The following SHROOM3 variants were observed in gnomAD, a reference collection of about 807,000 sequenced individuals.
SHROOM3 encodes protein Shroom3.
A neutral mutation model predicts 138.6 loss-of-function variants in SHROOM3; 47 were observed. The ratio of observed to expected loss-of-function variants is 0.34; its 90% CI spans 0.27 to 0.43. The LOEUF (loss-of-function observed/expected upper bound fraction) is 0.43, where lower values mean the gene tolerates loss of function less well. Ranked by LOEUF, SHROOM3 falls within the 20% of genes least tolerant of loss-of-function variation. The pLI is 1.00. For synonymous variants in SHROOM3, 1,062 were observed against 1,063.3 expected (o/e 1.00, Z 0.02); for missense variants, 2,491 against 2,596.5 (o/e 0.96, Z 0.88).
At chr4:76,617,828 CTT>C (rs1055437499) in intron 2 of SHROOM3, among the ~76,000 whole-genome samples, 2 of 152,136 alleles carry the variant, frequency 1.3e-5, no homozygotes, top group African/African-American at 4.8e-5. Flanking sequence ...AAATCTAAAA[CTT>C]TTTTAACACT....
At chr4:76,503,143 A>G (rs1008525023) in intron 1 of SHROOM3, among the ~76,000 whole-genome samples, 1 of 138,850 alleles carries the variant, frequency 7.2e-6, no homozygotes, top group Non-Finnish European at 1.6e-5. Flanking sequence ...TTTCATATGT[A>G]TTTTAGAAAT....
intron 1 of SHROOM3, among the ~76,000 whole-genome samples, chr4:76,441,546 T>C (rs13102317): frequency 0.14 from 22,042 of 152,178 alleles, 1,800 homozygotes; most frequent in South Asian, 0.21. Flanking sequence ...TCTGACTTTT[T>C]CCCTTTCTTG....
intron 2 of SHROOM3, among the ~76,000 whole-genome samples, chr4:76,605,593 T>C (rs1236140709): frequency 1.3e-5 from 2 of 151,954 alleles, no homozygotes; most frequent in Non-Finnish European, 1.5e-5. Flanking sequence ...AAATAAATGG[T>C]CAAATAGAAT....
At position 76,740,647 on chromosome 4, in the gene SHROOM3, T is replaced by C; in HGVS notation, c.2474T>C (p.Phe825Ser). The C allele has an allele frequency of 6.2e-7, 1 of 1,614,168 alleles. No homozygotes were observed. Among genetic ancestry groups the C allele is most frequent in the Admixed American group, 1.7e-5 (1 of 60,032 alleles). ...VSTSSTSGND[F>S]EETKAHIRFS... is the part of the protein sequence containing the mutation. ...ACTTCCAGTACTTCTGGGAATGACT[T>C]CGAGGAGACAAAAGCACACATTCGT... Residue 825 changes from phenylalanine (F) to serine (S), a missense_variant, in exon 5 of 11, where the codon TTC becomes TCC. Around this residue, in one of 4 missense-constraint regions of SHROOM3, gnomAD observed 1,733 missense variants for 1,661.6 expected, o/e 1.04. Transcript: ENST00000296043. This position sits in a 1 kb window ranked among gnomAD's most constrained non-coding sequence, Gnocchi z 4.0.
At position 76,565,148 on chromosome 4, in the gene SHROOM3, G is replaced by A. The variant is rs11942933; in HGVS notation, c.323+9385G>A. Among the ~76,000 whole-genome samples the A allele has an allele frequency of 3.1e-3, 424 of 135,986 alleles. 2 individuals carry two copies. The highest frequency in any genetic ancestry group is 0.012 in the African/African-American group (400 of 33,904). 89.2% of individuals were successfully genotyped at this position (135,986 alleles called of 152,430 possible). A position where few individuals can be genotyped will look rare whatever the true frequency, so the allele number is the denominator to read the frequency against. On this transcript the variant is annotated intron_variant, in intron 2 of 10. Transcript: ENST00000296043. Reference sequence around the variant, plus strand: ...TGCACTCCAGCCTGGGTGACAGGGCGAGACTCCATTTCAAAAAAAAAAAAA... The same window carrying A: ...TGCACTCCAGCCTGGGTGACAGGGCAAGACTCCATTTCAAAAAAAAAAAAA...
At chr4:76,733,256 G>A (rs1256834904) in intron 4 of SHROOM3, among the ~76,000 whole-genome samples, 1 of 152,174 alleles carries the variant, frequency 6.6e-6, no homozygotes, top group Non-Finnish European at 1.5e-5. Context: ...AGCACCAGAA[G>A]TACAGTATTT....
chr4:76,740,166 C>G lies in SHROOM3; in HGVS notation c.1993C>G (p.Leu665Val), dbSNP rs182065647. ...FGKTKSAFSS[L>V]QNIPESLRRH... The stretch of plus-strand genomic sequence containing the variant: ...CAAGACCAAGTCAGCCTTCTCATCT[C>G]TCCAGAACATTCCTGAGAGTCTGAG... The change falls in exon 5 of 11, where the codon CTC (leucine) becomes GTC (valine). Residue 665 changes from leucine to valine, a missense_variant. Around this residue, in one of 4 missense-constraint regions of SHROOM3, gnomAD observed 1,733 missense variants for 1,661.6 expected, o/e 1.04. Coordinates refer to ENST00000296043, the MANE Select transcript of SHROOM3 (RefSeq NM_020859.4). This position sits in a 1 kb window ranked among gnomAD's most constrained non-coding sequence, Gnocchi z 4.0. 2.7e-5 allele frequency: 44 copies of G among 1,613,946 alleles called. No homozygotes were observed. In the East Asian group the frequency reaches 9.8e-4, roughly 36 times the overall value.
At position 76,608,554 on chromosome 4, in the gene SHROOM3, GCA is replaced by G. The variant is rs1734673630; in HGVS notation, c.323+52792_323+52793del. Among the ~76,000 whole-genome samples the G allele has an allele frequency of 2.6e-4, 20 of 76,382 alleles. 1 individual carries two copies. The South Asian group carries it at 6.3e-3, about 24-fold the overall frequency. 50.1% of individuals were successfully genotyped at this position (76,382 alleles called of 152,430 possible). On this transcript the variant is annotated intron_variant, in intron 2 of 10. Transcript: ENST00000296043. ...GCATAGCATAGCATAGCATAGCATA[GCA>G]TAGCATAGCATAGCATAGCATAGCA... is the stretch of plus-strand genomic sequence containing the variant.
At chr4:76,699,792 A>T (rs138806647) in intron 2 of SHROOM3, among the ~76,000 whole-genome samples, 4 of 152,254 alleles carry the variant, frequency 2.6e-5, no homozygotes, top group African/African-American at 9.6e-5. Context: ...TAGGAGAGGC[A>T]TGTCAGAGGT....
chr4:76,776,867 A>G (rs551632973), intron 10 of SHROOM3, among the ~76,000 whole-genome samples: 30 of 152,040 alleles, frequency 2.0e-4, no homozygotes, highest in African/African-American at 7.2e-4. Context: ...ACCTTTCTTC[A>G]CTTTGTTTTT....
chr4:76,538,689 C>A (rs1733033774), intron 1 of SHROOM3, among the ~76,000 whole-genome samples: 1 of 152,178 alleles, frequency 6.6e-6, no homozygotes, highest in African/African-American at 2.4e-5. Context: ...GCCTACTCTA[C>A]TTTTCCTTTA....
At chr4:76,567,999 C>T (rs543975494) in intron 2 of SHROOM3, among the ~76,000 whole-genome samples, 3 of 152,240 alleles carry the variant, frequency 2.0e-5, no homozygotes, top group Non-Finnish European at 4.4e-5. Flanking sequence ...CCTGCAGAGT[C>T]CATTTTACAT....
chr4:76,688,098 C>T (rs1444176458), intron 2 of SHROOM3, among the ~76,000 whole-genome samples: 7 of 152,240 alleles, frequency 4.6e-5, no homozygotes, highest in Non-Finnish European at 1.0e-4. Context: ...TGCCACAGGA[C>T]ACGAGGACAC....
At chr4:76,574,455 C>T (rs1733897291) in intron 2 of SHROOM3, among the ~76,000 whole-genome samples, 1 of 152,140 alleles carries the variant, frequency 6.6e-6, no homozygotes, top group Non-Finnish European at 1.5e-5. Context: ...TTCTGATGCA[C>T]CCTAAAGAAC....
chr4:76,697,911 G>A (rs1033560809), intron 2 of SHROOM3, among the ~76,000 whole-genome samples: 1 of 152,108 alleles, frequency 6.6e-6, no homozygotes, highest in African/African-American at 2.4e-5. Flanking sequence ...AAGAATTCAA[G>A]CATTTATGAC....
chr4:76,470,068 C>T (rs1343513673), intron 1 of SHROOM3, among the ~76,000 whole-genome samples: 4 of 152,164 alleles, frequency 2.6e-5, no homozygotes, highest in African/African-American at 9.7e-5. Context: ...TATGCCCAAG[C>T]TTAATGCTTT....
intron 3 of SHROOM3, among the ~76,000 whole-genome samples, chr4:76,722,378 G>A (rs1037842407): frequency 6.6e-6 from 1 of 152,096 alleles, no homozygotes; most frequent in African/African-American, 2.4e-5. Flanking sequence ...TGGAGCTGGA[G>A]GCCATTATCC....
At chr4:76,507,138 A>T (rs982431421) in intron 1 of SHROOM3, among the ~76,000 whole-genome samples, 2 of 152,234 alleles carry the variant, frequency 1.3e-5, no homozygotes, top group African/African-American at 4.8e-5. Context: ...ACTTTATGCA[A>T]CAAGGAAGAA....
At chr4:76,586,301 G>T in intron 2 of SHROOM3, 15 of 985,616 alleles carry the variant, frequency 1.5e-5, no homozygotes, top group Non-Finnish European at 1.8e-5. Context: ...TGTCTTCCTC[G>T]GGCTGGCTCC....
Sources: gnomAD v4.1 joint callset for allele counts (sites outside exome capture counted in the v4.1 genomes callset) on GRCh38, gnomAD v4.1.1 for gene constraint, gnomAD v4.1.1 regional missense constraint, Gnocchi (gnomAD v3.1) non-coding constraint, MANE v1.5 for transcripts, NCBI Gene and HGNC (gene_info 2026-07-23, HGNC 2026-07-21) for gene names.